Variants in CBFB observed in about 807,000 individuals in gnomAD.
CBFB encodes the protein CBF-beta.
A neutral mutation model predicts 30.4 loss-of-function variants in CBFB; 9 were observed. The ratio of observed to expected loss-of-function variants is 0.30; its 90% CI spans 0.18 to 0.52. CBFB has a LOEUF of 0.52. CBFB is among the 20% of genes least tolerant of loss of function. The pLI, the probability that CBFB is intolerant of heterozygous loss-of-function variation, is 0.97. For synonymous variants in CBFB, 94 were observed against 84.0 expected (o/e 1.12, Z -0.65); for missense variants, 170 against 244.0 (o/e 0.70, Z 2.02).
At chr16:67,040,657 A>G (rs1055906681) in intron 3 of CBFB, among the ~76,000 whole-genome samples, 2 of 152,254 alleles carry the variant, frequency 1.3e-5, no homozygotes, top group Non-Finnish European at 2.9e-5. Flanking sequence ...TTTGAGATAC[A>G]TCAGTGAACA....
chr16:67,060,173 C>T (rs1383384376), intron 3 of CBFB, among the ~76,000 whole-genome samples: 1 of 151,910 alleles, frequency 6.6e-6, no homozygotes, highest in Admixed American at 6.6e-5. Flanking sequence ...GAGATGAGGT[C>T]TCACTATGTT....
intron 3 of CBFB, 137 bp downstream of exon 3, chr16:67,036,892 A>AG: frequency 1.6e-6 from 1 of 613,916 alleles, no homozygotes; most frequent in Non-Finnish European, 2.9e-6. Flanking sequence ...CCATGTTATA[A>AG]GGATGTAATA....
intron 5 of CBFB, among the ~76,000 whole-genome samples, chr16:67,090,559 C>A (rs945927859): frequency 2.0e-5 from 3 of 152,178 alleles, no homozygotes; most frequent in African/African-American, 7.2e-5. Flanking sequence ...AAGATAGCAA[C>A]TTGTACACTA....
intron 5 of CBFB, among the ~76,000 whole-genome samples, chr16:67,096,925 C>CAAAAAA: frequency 1.2e-5 from 1 of 83,472 alleles, no homozygotes; most frequent in Non-Finnish European, 2.4e-5. Context: ...GACTCCGTCT[C>CAAAAAA]AAAAAAAAAA....
chr16:67,084,742 TAA>T (rs1961670902), intron 5 of CBFB, among the ~76,000 whole-genome samples: 1 of 152,206 alleles, frequency 6.6e-6, no homozygotes, highest in Non-Finnish European at 1.5e-5. Flanking sequence ...CACTATTGTT[TAA>T]ATTAAGGTGT....
intron 5 of CBFB, among the ~76,000 whole-genome samples, chr16:67,094,772 A>T (rs1961992364): frequency 6.6e-6 from 1 of 152,176 alleles, no homozygotes; most frequent in Non-Finnish European, 1.5e-5. Context: ...TGGAACATAA[A>T]TTGCTTTTCT....
intron 5 of CBFB, among the ~76,000 whole-genome samples, chr16:67,092,106 T>A (rs1330441046): frequency 6.6e-6 from 1 of 151,582 alleles, no homozygotes; most frequent in Non-Finnish European, 1.5e-5. Flanking sequence ...TTCCCTTCCC[T>A]GTGTGTGATG....
intron 4 of CBFB, among the ~76,000 whole-genome samples, chr16:67,079,721 TTC>T (rs1163521072): frequency 6.6e-6 from 1 of 152,122 alleles, no homozygotes; most frequent in Non-Finnish European, 1.5e-5. Context: ...TGACTTGTGT[TTC>T]TGTCTCATTG....
chr16:67,090,879 G>A (rs569816785), intron 5 of CBFB, among the ~76,000 whole-genome samples: 7 of 152,246 alleles, frequency 4.6e-5, no homozygotes, highest in Non-Finnish European at 8.8e-5. Context: ...TGTGGTTTTT[G>A]TATTTGTATT....
intron 3 of CBFB, among the ~76,000 whole-genome samples, chr16:67,037,825 C>G (rs1208215439): frequency 2.0e-5 from 3 of 151,828 alleles, no homozygotes; most frequent in African/African-American, 7.3e-5. Flanking sequence ...TGCGCCACCA[C>G]GCCTGGCTAA....
At chr16:67,038,657 T>G (rs1966482658) in intron 3 of CBFB, among the ~76,000 whole-genome samples, 1 of 152,120 alleles carries the variant, frequency 6.6e-6, no homozygotes, top group Admixed American at 6.6e-5. Context: ...CGATTATTGG[T>G]TTTTTTGTGC....
chr16:67,094,943 T>C (rs1254182260), intron 5 of CBFB, among the ~76,000 whole-genome samples: 1 of 152,058 alleles, frequency 6.6e-6, no homozygotes, highest in African/African-American at 2.4e-5. Flanking sequence ...GAGGCCGGAT[T>C]TGGTGGCTCA....
intron 3 of CBFB, among the ~76,000 whole-genome samples, chr16:67,054,315 C>T (rs1252430131): frequency 6.6e-6 from 1 of 152,158 alleles, no homozygotes. Context: ...GGCCTTGTTT[C>T]ATTGTCTTGG....
intron 2 of CBFB, among the ~76,000 whole-genome samples, chr16:67,030,840 C>T (rs950765754): frequency 5.3e-5 from 8 of 152,182 alleles, no homozygotes; most frequent in Admixed American, 2.0e-4. Flanking sequence ...GTGATCCGCC[C>T]TCCTCGACCT....
chr16:67,100,351 A>G lies in CBFB; in HGVS notation c.*1573A>G. On this transcript the variant is annotated 3_prime_UTR_variant, in exon 6 of 6. Coordinates refer to ENST00000412916, the MANE Select transcript of CBFB (RefSeq NM_022845.3). ...TATATAGGTCTTATTTCATAAACAG[A>G]TATCCTGTATCAAATAAAAGTATTT... The G allele has an allele frequency of 4.5e-6, 1 of 221,906 alleles. No homozygotes were observed. 13.7% of individuals were successfully genotyped at this position (221,906 alleles called of 1,614,324 possible).
intron 3 of CBFB, among the ~76,000 whole-genome samples, chr16:67,040,623 G>A (rs951201353): frequency 1.6e-4 from 24 of 152,134 alleles, no homozygotes; most frequent in African/African-American, 3.1e-4. Flanking sequence ...CACCTGTTAC[G>A]TGTACTGAGC....
intron 3 of CBFB, among the ~76,000 whole-genome samples, chr16:67,042,416 T>G (rs1011724351): frequency 2.0e-5 from 3 of 152,226 alleles, no homozygotes; most frequent in African/African-American, 7.2e-5. Flanking sequence ...CCCAAAGTAC[T>G]GGAATTACAG....
chr16:67,069,787 G>T lies in CBFB; in HGVS notation c.399+2989G>T, dbSNP rs1006451174. On this transcript the variant is annotated intron_variant, in intron 4 of 5. Transcript: ENST00000412916. Reference sequence around the variant, plus strand: ...AGCTGACTTCTCTTGAAATCATAGAGGCTAGAAAGTTGTGGGATGACATAT... The same window carrying T: ...AGCTGACTTCTCTTGAAATCATAGATGCTAGAAAGTTGTGGGATGACATAT... 6.6e-5 allele frequency among the ~76,000 whole-genome samples: 10 copies of T among 152,172 alleles called. 1 individual carries two copies. Among genetic ancestry groups the T allele is most frequent in the African/African-American group, 2.4e-4 (10 of 41,438 alleles).
chr16:67,055,247 A>T (rs1960680386), intron 3 of CBFB, among the ~76,000 whole-genome samples: 1 of 151,278 alleles, frequency 6.6e-6, no homozygotes, highest in Non-Finnish European at 1.5e-5. Context: ...GGAGGGTCTA[A>T]TTTATTCTTA....
Sources: gnomAD v4.1 joint callset for allele counts (sites outside exome capture counted in the v4.1 genomes callset) on GRCh38, gnomAD v4.1.1 for gene constraint, MANE v1.5 for transcripts, NCBI Gene and HGNC (gene_info 2026-07-23, HGNC 2026-07-21) for gene names.